Variants in NBEAL1 observed in about 807,000 individuals in gnomAD.
NBEAL1 encodes neurobeachin like 1.
A neutral mutation model predicts 351.3 loss-of-function variants in NBEAL1; 273 were observed. The observed-to-expected ratio is 0.78, with a 90% CI of 0.70 to 0.86. NBEAL1 has a LOEUF of 0.86. Among genes scored for constraint, NBEAL1 ranks in the 40% least tolerant of loss-of-function variants. NBEAL1 has a pLI of 0.00. For synonymous variants in NBEAL1, 1,050 were observed against 1,086.4 expected, an observed-to-expected ratio of 0.97 and a Z score of 0.66; for missense variants, 2,961 against 3,201.3, an observed-to-expected ratio of 0.92 and a Z score of 1.81.
intron 31 of NBEAL1, 144 bp downstream of exon 31, chr2:203,138,892 G>A: frequency 3.8e-6 from 3 of 788,388 alleles, no homozygotes; most frequent in Non-Finnish European, 3.8e-6. Flanking sequence ...GGAGTTTTGA[G>A]GAGCTTGAGA....
chr2:203,125,416 T>C lies in NBEAL1; in HGVS notation c.2747T>C (p.Phe916Ser). The change falls in exon 20 of 56, where the codon TTT (phenylalanine) becomes TCT (serine). Residue 916 changes from phenylalanine to serine, a missense_variant. Transcript: ENST00000683969. Reference sequence around the variant, plus strand: ...CCTTTATTGGAACAAATCAGCCACTTTAGTGAAGGACAGATTCCTGAAGAA... The same window carrying C: ...CCTTTATTGGAACAAATCAGCCACTCTAGTGAAGGACAGATTCCTGAAGAA... The part of the protein sequence containing the change: ...LFPLLEQISH[F>S]SEGQIPEEKN... 2 of 1,548,666 alleles carry C rather than the reference T, an allele frequency of 1.3e-6. No individual in the cohort carries two copies. Among genetic ancestry groups the C allele is most frequent in the Non-Finnish European group, 1.7e-6 (2 of 1,145,558 alleles).
At chr2:203,193,296 A>G (rs765218581) in intron 46 of NBEAL1, among the ~76,000 whole-genome samples, 5 of 152,074 alleles carry the variant, frequency 3.3e-5, no homozygotes, top group Non-Finnish European at 5.9e-5. Flanking sequence ...GATCTTGTCA[A>G]GGAATTAAAG....
In NBEAL1 at chr2:203,145,179, A is replaced by G; in HGVS notation, c.5304+19A>G. 2.5e-6 allele frequency: 4 copies of G among 1,592,980 alleles called. No homozygotes were observed. The highest frequency in any genetic ancestry group is 3.4e-6 in the Non-Finnish European group (4 of 1,171,974). ...ATTTCAGGTAAAAAGTAAATGTTTTAATATCTAGTTTTTCTTGTTGATTTT... is the reference window on the plus strand; with the variant it reads ...ATTTCAGGTAAAAAGTAAATGTTTTGATATCTAGTTTTTCTTGTTGATTTT... On this transcript the variant is annotated intron_variant, in intron 33 of 55. Transcript: ENST00000683969.
rs1294718777 is a variant in NBEAL1 at position 203,222,131 on chromosome 2, A to C, written c.*4777A>C. Among the ~76,000 whole-genome samples, 2 of 152,178 alleles carry C rather than the reference A, an allele frequency of 1.3e-5. No individual in the cohort carries two copies. Among genetic ancestry groups the C allele is most frequent in the East Asian group, 3.8e-4 (2 of 5,202 alleles). ...TGAGCCTAGAGATCAAGGCTGCAGT[A>C]AGCTGTGATTGCACCACTGCACTTC... is the stretch of plus-strand genomic sequence containing the variant. On this transcript the variant is annotated 3_prime_UTR_variant, in exon 56 of 56. Coordinates refer to ENST00000683969, the MANE Select transcript of NBEAL1 (RefSeq NM_001378026.1).
At chr2:203,022,227 T>G (rs1387558307) in intron 2 of NBEAL1, among the ~76,000 whole-genome samples, 2 of 152,154 alleles carry the variant, frequency 1.3e-5, no homozygotes, top group South Asian at 2.1e-4. Flanking sequence ...TCTCAAAGTC[T>G]TAGATAAGAT....
chr2:203,151,505 A>C lies in NBEAL1; in HGVS notation c.5503A>C (p.Asn1835His). Residue 1835 changes from asparagine to histidine, a missense_variant, in exon 35 of 56, where the codon AAT (asparagine) becomes CAT (histidine). Physicochemically the swap from Asn to His is moderately conservative, Grantham distance 68. Transcript: ENST00000683969. ...PIHWKLANVE[N>H]YSRMRLKLVP... ...TCACTGGAAGCTAGCTAATGTAGAG[A>C]ATTATTCCCGCATGAGACTTAAGCT... 6.2e-7 allele frequency: 1 copy of C among 1,609,946 alleles called. No homozygotes were observed. The highest frequency in any genetic ancestry group is 8.5e-7 in the Non-Finnish European group (1 of 1,177,950).
In NBEAL1 at chr2:203,224,787, CAG is replaced by C. The variant is rs2065991118; in HGVS notation, c.*7434_*7435del. On this transcript the variant is annotated 3_prime_UTR_variant, in exon 56 of 56. Transcript: ENST00000683969. ...ATTATTGACTGTGCAAACTGTGACTCAGTGGATATTTGTATGCCCCCCAAAAA... is the reference window on the plus strand; with the variant it reads ...ATTATTGACTGTGCAAACTGTGACTCTGGATATTTGTATGCCCCCCAAAAA... 6.6e-6 allele frequency among the ~76,000 whole-genome samples: 1 copy of C among 152,104 alleles called. No individual in the cohort carries two copies. Among genetic ancestry groups the C allele is most frequent in the African/African-American group, 2.4e-5 (1 of 41,420 alleles).
At chr2:203,110,767 CTTTTTT>C (rs71034215) in intron 15 of NBEAL1, among the ~76,000 whole-genome samples, 7 of 106,730 alleles carry the variant, frequency 6.6e-5, no homozygotes, top group East Asian at 2.7e-4. Context: ...TTTCTTTTTT[CTTTTTT>C]TTTTTTTTTT....
chr2:203,020,534 G>T (rs886582673), intron 2 of NBEAL1, among the ~76,000 whole-genome samples: 1 of 152,060 alleles, frequency 6.6e-6, no homozygotes, highest in African/African-American at 2.4e-5. Flanking sequence ...AGCCGGGCAT[G>T]GTGGCATGCA....
intron 12 of NBEAL1, among the ~76,000 whole-genome samples, chr2:203,103,087 G>A (rs896165647): frequency 2.6e-5 from 4 of 152,062 alleles, no homozygotes; most frequent in African/African-American, 2.4e-5. Flanking sequence ...TTTCTAGCTT[G>A]TGTGCATAGA....
Position 203,113,030 on chromosome 2 carries a change from T to C in NBEAL1, c.2218T>C (p.Cys740Arg). The change falls in exon 17 of 56, where the codon TGC (cysteine) becomes CGC (arginine). Residue 740 changes from cysteine to arginine, a missense_variant. Coordinates refer to ENST00000683969, the MANE Select transcript of NBEAL1 (RefSeq NM_001378026.1). Reference sequence around the variant, plus strand: ...TTGTTTTTAGCCCTTTACTTCCTGTTGCATTGGTTCAGCTGGGCAAAGAAC... The same window carrying C: ...TTGTTTTTAGCCCTTTACTTCCTGTCGCATTGGTTCAGCTGGGCAAAGAAC... ...PAMNEPFTSC[C>R]IGSAGQRTTT... 1 of 1,484,618 alleles carries C rather than the reference T, an allele frequency of 6.7e-7. No homozygotes were observed. The highest frequency in any genetic ancestry group is 9.0e-7 in the Non-Finnish European group (1 of 1,114,660). The allele number at this position is 1,484,618 out of a possible 1,614,324, so 92.0% of individuals were successfully genotyped here. A position where few individuals can be genotyped will look rare whatever the true frequency, so the allele number is the denominator to read the frequency against.
At chr2:203,111,801 T>TA (rs1254969388) in intron 15 of NBEAL1, among the ~76,000 whole-genome samples, 178 bp from the exon 16 acceptor site, 1 of 152,264 alleles carries the variant, frequency 6.6e-6, no homozygotes, top group Non-Finnish European at 1.5e-5. Context: ...AGAATATGCT[T>TA]ACGTGCTTTT....
chr2:203,031,198 A>G (rs1041450523), intron 2 of NBEAL1, among the ~76,000 whole-genome samples: 1 of 152,064 alleles, frequency 6.6e-6, no homozygotes, highest in African/African-American at 2.4e-5. Context: ...CTTCGTTTGC[A>G]TTGTTTGGCT....
intron 36 of NBEAL1, among the ~76,000 whole-genome samples, chr2:203,158,785 C>T (rs1201920515): frequency 6.8e-6 from 1 of 147,134 alleles, no homozygotes; most frequent in Non-Finnish European, 1.5e-5. Flanking sequence ...AAGACTTTCT[C>T]CAGTTTTTTT....
chr2:203,178,359 G>A (rs1356540914), intron 42 of NBEAL1, among the ~76,000 whole-genome samples: 8 of 151,920 alleles, frequency 5.3e-5, no homozygotes, highest in Admixed American at 4.6e-4. Flanking sequence ...TAGAGACGGG[G>A]TTTTGCCATA....
intron 8 of NBEAL1, among the ~76,000 whole-genome samples, chr2:203,081,377 A>G (rs922948419): frequency 9.9e-5 from 15 of 152,224 alleles, no homozygotes; most frequent in Non-Finnish European, 4.4e-5. Flanking sequence ...CTTTGGATAT[A>G]CTATTTACAT....
intron 41 of NBEAL1, among the ~76,000 whole-genome samples, chr2:203,174,216 C>CAAAAAAAAAAAAAAAAAAAAA (rs10652390): frequency 2.0e-4 from 5 of 24,612 alleles, no homozygotes; most frequent in Admixed American, 7.3e-4. Flanking sequence ...TTTATACTAG[C>CAAAAAAAAAAAAAAAAAAAAA]AAAAAAAAAA....
intron 36 of NBEAL1, among the ~76,000 whole-genome samples, chr2:203,165,325 T>C (rs1376035477): frequency 6.6e-6 from 1 of 152,202 alleles, no homozygotes; most frequent in Non-Finnish European, 1.5e-5. Context: ...TATCTCTAGT[T>C]CCCTTGTTAG....
In NBEAL1 at chr2:203,223,376, A is replaced by T. The variant is rs1242737160; in HGVS notation, c.*6022A>T. On this transcript the variant is annotated 3_prime_UTR_variant, in exon 56 of 56. Coordinates refer to ENST00000683969, the MANE Select transcript of NBEAL1 (RefSeq NM_001378026.1). ...ATAATAGTAATAACACAATTTTGTC[A>T]TTTAAAAAATTACCCATTCATTTTT... is the stretch of plus-strand genomic sequence containing the variant. 6.6e-6 allele frequency among the ~76,000 whole-genome samples: 1 copy of T among 152,134 alleles called. No homozygotes were observed. The highest frequency in any genetic ancestry group is 1.5e-5 in the Non-Finnish European group (1 of 67,962).
Sources: allele counts gnomAD v4.1 joint callset (sites outside exome capture counted in the v4.1 genomes callset), GRCh38; gene constraint gnomAD v4.1.1; transcripts MANE v1.5; gene names NCBI Gene and HGNC (gene_info 2026-07-23, HGNC 2026-07-21).